BABAM1: variants seen among roughly 807,000 people sequenced by gnomAD.
BABAM1 encodes the protein BRISC and BRCA1 A complex member 1.
Under a neutral mutation model 34.4 loss-of-function variants are expected in BABAM1, and 14 were observed. The observed-to-expected ratio is 0.41, with a 90% CI of 0.27 to 0.64. BABAM1 has a LOEUF of 0.64. BABAM1 is among the 30% of genes least tolerant of loss of function. The pLI is 0.34. For missense variants in BABAM1, 393 were observed against 434.0 expected (o/e 0.91, Z 0.84); for synonymous variants, 169 against 165.8 (o/e 1.02, Z -0.15).
At chr19:17,277,771 C>T (rs932975606) in intron 8 of BABAM1, among the ~76,000 whole-genome samples, 8 of 152,092 alleles carry the variant, frequency 5.3e-5, no homozygotes, top group African/African-American at 1.7e-4. Context: ...CCCAGCTGCT[C>T]GGGAGGCTGA....
At chr19:17,270,079 C>G (rs536105973) in intron 2 of BABAM1, among the ~76,000 whole-genome samples, 7 of 152,048 alleles carry the variant, frequency 4.6e-5, no homozygotes, top group Non-Finnish European at 1.0e-4. Flanking sequence ...TACAGGCGCC[C>G]GCTACTACGC....
Position 17,278,971 on chromosome 19 carries a change from C to T in BABAM1, c.913C>T (p.Arg305Trp), listed in dbSNP as rs575115485. Reference protein sequence around the residue: ...MAKLLAHPLQRPCQSHASYSL... With the variant: ...MAKLLAHPLQWPCQSHASYSL... ...GAAACTGTTGGCCCACCCCCTGCAG[C>T]GGCCTTGCCAGAGCCATGCTTCCTA... The change falls in exon 9 of 9, where the codon CGG becomes TGG. Residue 305 changes from arginine to tryptophan, a missense_variant. By Grantham distance (101) the Arg-to-Trp change is moderately radical. Transcript: ENST00000598188. 6 of 1,612,738 alleles carry T rather than the reference C, an allele frequency of 3.7e-6. No individual in the cohort carries two copies. Among genetic ancestry groups the T allele is most frequent in the East Asian group, 2.2e-5 (1 of 44,854 alleles).
At chr19:17,270,023 C>T (rs1473206302) in intron 2 of BABAM1, among the ~76,000 whole-genome samples, 3 of 151,384 alleles carry the variant, frequency 2.0e-5, no homozygotes, top group South Asian at 2.1e-4. Context: ...CTCTGCCTCC[C>T]GGGTTCATGC....
intron 3 of BABAM1, among the ~76,000 whole-genome samples, chr19:17,272,959 G>A (rs566679038): frequency 6.6e-6 from 1 of 152,034 alleles, no homozygotes; most frequent in Non-Finnish European, 1.5e-5. Flanking sequence ...TGGAGGTTGC[G>A]GTGAGCCAAG....
At chr19:17,272,234 C>T (rs2073849640) in intron 3 of BABAM1, among the ~76,000 whole-genome samples, 1 of 151,690 alleles carries the variant, frequency 6.6e-6, no homozygotes, top group South Asian at 2.1e-4. Context: ...GAGCACCCAG[C>T]CTCTAAATGT....
intron 2 of BABAM1, 99 bp downstream of exon 2, chr19:17,269,190 C>T (rs2145609311): frequency 2.2e-6 from 3 of 1,344,720 alleles, no homozygotes; most frequent in Middle Eastern, 2.7e-4. Context: ...TATTCGTTAC[C>T]TGTGGCTGCC....
At chr19:17,272,094 C>T (rs2073847891) in intron 3 of BABAM1, among the ~76,000 whole-genome samples, 1 of 152,046 alleles carries the variant, frequency 6.6e-6, no homozygotes, top group Non-Finnish European at 1.5e-5. Context: ...GCATGCACCA[C>T]CATGCCCGTT....
rs1248622151 is a variant in BABAM1 at position 17,278,856 on chromosome 19, C to T, written c.798C>T (p.Ala266=). 6.2e-7 allele frequency: 1 copy of T among 1,612,694 alleles called. No homozygotes were observed. The highest frequency in any genetic ancestry group is 1.3e-5 in the African/African-American group (1 of 74,926). Residue 266 remains alanine, a synonymous_variant, in exon 9 of 9, where the codon GCC becomes GCT. Coordinates refer to ENST00000598188, the MANE Select transcript of BABAM1 (RefSeq NM_014173.4). ...CGCCTCCCCGGCAGGATATGTTTGC[C>T]TTCATGGGCAGCCTGGATACCAAGG... The part of the protein sequence containing the change: ...EEEMSWKDMF[A]FMGSLDTKGT...
intron 2 of BABAM1, among the ~76,000 whole-genome samples, chr19:17,270,904 A>G (rs1261159578): frequency 6.6e-6 from 1 of 150,878 alleles, no homozygotes; most frequent in African/African-American, 2.4e-5. Context: ...GTTAGCCAGG[A>G]TGGTCTCGAT....
At chr19:17,274,411 A>T (rs1046976060) in intron 5 of BABAM1, 3 of 575,610 alleles carry the variant, frequency 5.2e-6, no homozygotes, top group Non-Finnish European at 9.2e-6. Flanking sequence ...AAGCAAAAGT[A>T]CCTGATTTGG....
At position 17,274,387 on chromosome 19, in the gene BABAM1, C is replaced by T. The variant is rs892931078; in HGVS notation, c.544+202C>T. ...CAAAGTTGCCTACCCCATGGAGATG[C>T]TGTAACAATACAGAAGCAAAAGTAC... On this transcript the variant is annotated intron_variant, in intron 5 of 8. Transcript: ENST00000598188. 4 of 639,006 alleles carry T rather than the reference C, an allele frequency of 6.3e-6. No individual in the cohort carries two copies. In the African/African-American group the frequency reaches 7.4e-5, roughly 12 times the overall value. The allele number at this position is 639,006 out of a possible 1,614,324, so 39.6% of individuals were successfully genotyped here.
At chr19:17,268,621 G>C (rs1023492531) in intron 1 of BABAM1, 173 bp from the exon 2 acceptor site, 7 of 616,316 alleles carry the variant, frequency 1.1e-5, no homozygotes, top group Non-Finnish European at 1.9e-5. Context: ...TTGAGACGGG[G>C]TTTCTCCATG....
intron 5 of BABAM1, among the ~76,000 whole-genome samples, chr19:17,274,979 C>T (rs1254803916): frequency 6.6e-6 from 1 of 152,128 alleles, no homozygotes; most frequent in East Asian, 1.9e-4. Flanking sequence ...GATCTTGGCT[C>T]ATTGCAACTT....
chr19:17,276,334 C>T lies in BABAM1; in HGVS notation c.570-161C>T, dbSNP rs1406758797. ...GGTGGGGCTGGGAACATGCTCAGGG[C>T]AGAGGGAACCGCTTATGGGATGCCT... On this transcript the variant is annotated intron_variant, in intron 6 of 8. Coordinates refer to ENST00000598188, the MANE Select transcript of BABAM1 (RefSeq NM_014173.4). The T allele has an allele frequency of 5.5e-6, 6 of 1,099,710 alleles. No individual in the cohort carries two copies. In the Admixed American group the frequency reaches 1.3e-4, roughly 24 times the overall value. 68.1% of individuals were successfully genotyped at this position (1,099,710 alleles called of 1,614,324 possible).
chr19:17,276,384 ACAT>A (rs2073907941), intron 6 of BABAM1, 108 bp from the exon 7 acceptor site: 1 of 1,501,230 alleles, frequency 6.7e-7, no homozygotes, highest in African/African-American at 1.4e-5. Context: ...AACTTGGGAG[ACAT>A]CAGTGGGGCC....
At chr19:17,272,523 A>G (rs1376189513) in intron 3 of BABAM1, among the ~76,000 whole-genome samples, 5 of 151,492 alleles carry the variant, frequency 3.3e-5, no homozygotes, top group Admixed American at 1.3e-4. Flanking sequence ...CTCCTGCCTC[A>G]GCCTCCGAGT....
In BABAM1 at chr19:17,278,958, C is replaced by T. The variant is rs1437879639; in HGVS notation, c.900C>T (p.Ala300=). ...ELHNCMAKLL[A]HPLQRPCQSH... is the part of the protein sequence containing the mutation. ...ACAACTGCATGGCGAAACTGTTGGC[C>T]CACCCCCTGCAGCGGCCTTGCCAGA... Residue 300 remains alanine (A), a synonymous_variant, in exon 9 of 9, where the codon GCC becomes GCT. Transcript: ENST00000598188. 1 of 1,612,858 alleles carries T rather than the reference C, an allele frequency of 6.2e-7. No individual in the cohort carries two copies. The highest frequency in any genetic ancestry group is 8.5e-7 in the Non-Finnish European group (1 of 1,179,628).
intron 1 of BABAM1, among the ~76,000 whole-genome samples, chr19:17,268,288 GTT>G (rs1226804635): frequency 2.0e-5 from 3 of 151,944 alleles, no homozygotes; most frequent in Non-Finnish European, 4.4e-5. Context: ...AGGGGGGACT[GTT>G]ATCTTATGTC....
At position 17,269,101 on chromosome 19, in the gene BABAM1, G is replaced by A. The variant is rs747952298; in HGVS notation, c.285+10G>A. 5.0e-6 allele frequency: 8 copies of A among 1,588,224 alleles called. No individual in the cohort carries two copies. The highest frequency in any genetic ancestry group is 6.9e-6 in the Non-Finnish European group (8 of 1,165,704). On this transcript the variant is annotated intron_variant, in intron 2 of 8. Transcript: ENST00000598188. ...CTGTCCAGAGAAAGTGGTAAGTAGA[G>A]GGGGTGGCCTGGGGCTCTGAGATGC...
Sources: gnomAD v4.1 joint callset for allele counts (sites outside exome capture counted in the v4.1 genomes callset) on GRCh38, gnomAD v4.1.1 for gene constraint, MANE v1.5 for transcripts, NCBI Gene and HGNC (gene_info 2026-07-23, HGNC 2026-07-21) for gene names.